The following KIF9 variants were observed in gnomAD, a reference collection of about 807,000 sequenced individuals.
KIF9 encodes kinesin family member 9, also known as kinesin-like protein KIF9.
KIF9 carries 68 observed loss-of-function variants against 94.8 expected under a neutral mutation model. The observed-to-expected ratio is 0.72, with a 90% CI of 0.59 to 0.88. The LOEUF is 0.88. Ranked by LOEUF, KIF9 falls within the 40% of genes least tolerant of loss-of-function variation. The pLI is 0.00. For synonymous variants in KIF9, 343 were observed against 362.1 expected (o/e 0.95, Z 0.60); for missense variants, 882 against 982.5 (o/e 0.90, Z 1.37).
intron 10 of KIF9, among the ~76,000 whole-genome samples, chr3:47,253,638 C>A (rs568305021): frequency 5.7e-4 from 86 of 152,084 alleles, no homozygotes; most frequent in Non-Finnish European, 7.8e-4. Flanking sequence ...ATATCAGCAT[C>A]TCTCTGCATG....
chr3:47,266,988 C>T lies in KIF9; in HGVS notation c.756G>A (p.Leu252=), dbSNP rs1391942094. 4 of 1,613,580 alleles carry T rather than the reference C, an allele frequency of 2.5e-6. No individual in the cohort carries two copies. The African/African-American group carries it at 5.3e-5, about 22-fold the overall frequency. Residue 252 remains leucine (L), a synonymous_variant, in exon 7 of 21, where the codon CTG becomes CTA. Coordinates refer to ENST00000684063, the MANE Select transcript of KIF9 (RefSeq NM_182902.4). The part of the protein sequence containing the change: ...NLVDLAGSER[L]GKSGSEGQVL... The stretch of plus-strand genomic sequence containing the variant: ...CCCCATCACTTACCCCAGACTTCCC[C>T]AGCCTCTCTGAGCCTGCCAGATCCA...
chr3:47,282,185 G>A (rs1702417700), intron 1 of KIF9: 1 of 985,456 alleles, frequency 1.0e-6, no homozygotes, highest in South Asian at 4.7e-5. Context: ...GCCCCCTCTA[G>A]TTCGAAAACT....
At chr3:47,236,212 C>A in intron 18 of KIF9, 63 bp from the exon 19 acceptor site, 1 of 1,268,220 alleles carries the variant, frequency 7.9e-7, no homozygotes, top group Admixed American at 1.7e-5. Flanking sequence ...TGTCATCTGT[C>A]TTATATCTGT....
rs1559430863 is a variant in KIF9, at chr3:47,243,230, CT to C, written c.1529del (p.Lys510ArgfsTer8). 6.2e-7 allele frequency: 1 copy of C among 1,609,844 alleles called. No individual in the cohort carries two copies. Among genetic ancestry groups the C allele is most frequent in the Admixed American group, 1.7e-5 (1 of 59,910 alleles). ...CATTCACAGGGCTGCTGGCACCTTCCTTTCTTGCCAAGGAGCTGGAAGAAGG... is the reference window on the plus strand; with the variant it reads ...CATTCACAGGGCTGCTGGCACCTTCCTTCTTGCCAAGGAGCTGGAAGAAGG... ...FKEPLSSLAR[K>X]EGASSPVNGK... On this transcript the variant is annotated frameshift_variant, in exon 16 of 21. Transcript: ENST00000684063. LOFTEE classifies it high-confidence loss of function.
intron 17 of KIF9, among the ~76,000 whole-genome samples, chr3:47,239,274 G>A (rs1699289677): frequency 6.6e-6 from 1 of 152,198 alleles, no homozygotes; most frequent in Non-Finnish European, 1.5e-5. Context: ...GTATTTAGGA[G>A]TAAATGATAT....
At chr3:47,252,420 C>A (rs1042900077) in intron 10 of KIF9, among the ~76,000 whole-genome samples, 2 of 151,562 alleles carry the variant, frequency 1.3e-5, no homozygotes, top group African/African-American at 4.9e-5. Flanking sequence ...ATAGGGAGAC[C>A]CCATCACTAG....
chr3:47,239,579 T>C (rs1234501560), intron 17 of KIF9: 5 of 1,059,784 alleles, frequency 4.7e-6, no homozygotes, highest in African/African-American at 1.7e-5. Context: ...TGAGAAATAA[T>C]TGTTTAATTG....
At chr3:47,239,927 C>T in intron 17 of KIF9, 1 of 1,367,622 alleles carries the variant, frequency 7.3e-7, no homozygotes, top group Middle Eastern at 2.1e-4. Flanking sequence ...TGGAAGAAGA[C>T]AGTAAGACTG....
Position 47,271,301 on chromosome 3 carries a change from A to G in KIF9, c.527T>C (p.Phe176Ser), listed in dbSNP as rs1224565094. ...GAGGTGAACTGACAAGCCCTTAATG[A>G]AGACTCCTTGAGGGTTTTCCACGAT... ...MTIVENPQGV[F>S]IKGLSVHLTS... is the part of the protein sequence containing the mutation. The change falls in exon 5 of 21, where the codon TTC becomes TCC. Residue 176 changes from phenylalanine to serine, a missense_variant. Coordinates refer to ENST00000684063, the MANE Select transcript of KIF9 (RefSeq NM_182902.4). 3 of 1,613,990 alleles carry G rather than the reference A, an allele frequency of 1.9e-6. No individual in the cohort carries two copies. Among genetic ancestry groups the G allele is most frequent in the Non-Finnish European group, 2.5e-6 (3 of 1,180,012 alleles).
At chr3:47,274,192 CA>C (rs976007531) in intron 3 of KIF9, among the ~76,000 whole-genome samples, 8 of 152,218 alleles carry the variant, frequency 5.3e-5, no homozygotes, top group African/African-American at 1.7e-4. Flanking sequence ...CAGGATGAAA[CA>C]GGGCTCCTAG....
chr3:47,277,277 C>A lies in KIF9; in HGVS notation c.93+5G>T. The stretch of plus-strand genomic sequence containing the variant: ...GTCAGTTGAAGGCAAACACATCGCA[C>A]TTACTCTTTTGTCATCTCCGTATCT... On this transcript the variant is annotated splice_donor_5th_base_variant and intron_variant, in intron 2 of 20. Coordinates refer to ENST00000684063, the MANE Select transcript of KIF9 (RefSeq NM_182902.4). The A allele has an allele frequency of 3.7e-6, 6 of 1,610,864 alleles. No homozygotes were observed. Among genetic ancestry groups the A allele is most frequent in the Non-Finnish European group, 5.1e-6 (6 of 1,177,222 alleles).
At chr3:47,267,350 C>A in intron 5 of KIF9, 87 bp from the exon 6 acceptor site, 1 of 926,084 alleles carries the variant, frequency 1.1e-6, no homozygotes, top group Non-Finnish European at 1.8e-6. Flanking sequence ...CCAATAGCTA[C>A]ACAAGTGGTC....
chr3:47,249,246 T>C (rs569585816), intron 10 of KIF9, among the ~76,000 whole-genome samples: 1 of 151,610 alleles, frequency 6.6e-6, no homozygotes, highest in Non-Finnish European at 1.5e-5. Flanking sequence ...CCCGGGTTCA[T>C]GTAATTCTCC....
In KIF9 at chr3:47,271,469, A is replaced by T. The variant is rs781738573; in HGVS notation, c.367-8T>A. 14 of 1,611,132 alleles carry T rather than the reference A, an allele frequency of 8.7e-6. No homozygotes were observed. The highest frequency in any genetic ancestry group is 1.2e-5 in the Non-Finnish European group (14 of 1,177,412). On this transcript the variant is annotated splice_polypyrimidine_tract_variant and splice_region_variant and intron_variant, in intron 4 of 20. Coordinates refer to ENST00000684063, the MANE Select transcript of KIF9 (RefSeq NM_182902.4). ...TTCGATCATCCTAAAAACCTAGATG[A>T]CAGATTGTACAGCGGTCACCAAGAG...
chr3:47,272,172 A>G (rs1048190869), intron 4 of KIF9, among the ~76,000 whole-genome samples: 2 of 152,170 alleles, frequency 1.3e-5, no homozygotes, highest in Non-Finnish European at 2.9e-5. Context: ...TCAGCTAGTA[A>G]GGGTAGAAGT....
intron 2 of KIF9, chr3:47,277,044 G>A (rs910907888): frequency 2.9e-6 from 1 of 347,672 alleles, no homozygotes; most frequent in Non-Finnish European, 5.2e-6. Context: ...CGAGGGTAAA[G>A]GTAAACTTAT....
intron 5 of KIF9, among the ~76,000 whole-genome samples, chr3:47,269,304 C>CA (rs1701490534): frequency 1.3e-5 from 2 of 152,312 alleles, no homozygotes; most frequent in Admixed American, 6.5e-5. Flanking sequence ...GTTTTTGAGA[C>CA]AGAGTGTTGC....
At position 47,240,908 on chromosome 3, in the gene KIF9, C is replaced by G. The variant is rs760870772; in HGVS notation, c.1817G>C (p.Arg606Pro). 1 of 1,614,012 alleles carries G rather than the reference C, an allele frequency of 6.2e-7. No individual in the cohort carries two copies. The highest frequency in any genetic ancestry group is 1.3e-5 in the African/African-American group (1 of 74,884). Residue 606 changes from arginine to proline, a missense_variant, in exon 17 of 21, where the codon CGG becomes CCG. By Grantham distance (103) the Arg-to-Pro change is moderately radical. Coordinates refer to ENST00000684063, the MANE Select transcript of KIF9 (RefSeq NM_182902.4). ...FKENKSILNE[R>P]RKRASETTQH... is the part of the protein sequence containing the mutation. ...TGTGGTCTCGCTGGCCCTTTTCCTC[C>G]GTTCATTCAAGATGGATTTGTTTTC...
chr3:47,248,514 C>T (rs1173668263), intron 10 of KIF9, among the ~76,000 whole-genome samples: 5 of 152,056 alleles, frequency 3.3e-5, no homozygotes, highest in Admixed American at 1.3e-4. Flanking sequence ...ATGGTCTCAG[C>T]TCACTGCAAC....
Sources: gnomAD v4.1 joint callset for allele counts (sites outside exome capture counted in the v4.1 genomes callset) on GRCh38, gnomAD v4.1.1 for gene constraint, MANE v1.5 for transcripts, NCBI Gene and HGNC (gene_info 2026-07-23, HGNC 2026-07-21) for gene names.